SYT9: variants seen among roughly 807,000 people sequenced by gnomAD.
SYT9 encodes synaptotagmin-9.
In SYT9, 22 loss-of-function variants were observed where a neutral mutation model predicts 48.4. The observed-to-expected ratio is 0.45, with a 90% CI of 0.32 to 0.65. The LOEUF is 0.65. SYT9 is among the 30% of genes least tolerant of loss of function. The pLI is 0.03. For missense variants in SYT9, 577 were observed against 622.0 expected (o/e 0.93, Z 0.77); for synonymous variants, 265 against 245.0 (o/e 1.08, Z -0.76).
intron 3 of SYT9, among the ~76,000 whole-genome samples, chr11:7,406,559 T>TATATATATATATATATAC (rs922664189): frequency 6.8e-5 from 10 of 146,704 alleles, no homozygotes; most frequent in African/African-American, 2.5e-4. Flanking sequence ...TATATATATA[T>TATATATATATATATATAC]ATATATATAG....
chr11:7,310,877 A>G (rs553675842), intron 2 of SYT9, among the ~76,000 whole-genome samples: 2 of 152,332 alleles, frequency 1.3e-5, no homozygotes, highest in Admixed American at 1.3e-4. Context: ...CCTGCTGGCA[A>G]TCCACTTTGG....
At chr11:7,378,694 A>G (rs973024703) in intron 3 of SYT9, among the ~76,000 whole-genome samples, 2 of 152,052 alleles carry the variant, frequency 1.3e-5, no homozygotes, top group African/African-American at 4.8e-5. Flanking sequence ...GTAGAATAAA[A>G]TATTGCCTTT....
At chr11:7,309,072 A>G (rs1238965781) in intron 2 of SYT9, among the ~76,000 whole-genome samples, 1 of 152,124 alleles carries the variant, frequency 6.6e-6, no homozygotes, top group African/African-American at 2.4e-5. Flanking sequence ...ACATTTTGTT[A>G]ATTATCTTTG....
intron 1 of SYT9, among the ~76,000 whole-genome samples, chr11:7,276,950 A>T (rs973723135): frequency 3.3e-5 from 5 of 151,708 alleles, no homozygotes; most frequent in African/African-American, 1.2e-4. Context: ...GCTACTCGGG[A>T]GGCTGAGGAA....
chr11:7,294,738 C>G (rs1848762968), intron 1 of SYT9, among the ~76,000 whole-genome samples: 1 of 152,208 alleles, frequency 6.6e-6, no homozygotes, highest in African/African-American at 2.4e-5. Context: ...GCCACATGGC[C>G]CACACACCCA....
intron 2 of SYT9, among the ~76,000 whole-genome samples, chr11:7,307,724 C>A (rs1346968717): frequency 6.6e-6 from 1 of 152,166 alleles, no homozygotes; most frequent in African/African-American, 2.4e-5. Flanking sequence ...TGGATGTATA[C>A]AGGGGCCTGT....
chr11:7,283,639 C>T (rs1848544163), intron 1 of SYT9, among the ~76,000 whole-genome samples: 1 of 152,098 alleles, frequency 6.6e-6, no homozygotes, highest in Admixed American at 6.5e-5. Context: ...CTGACTTTTT[C>T]AATTAACTGA....
chr11:7,390,205 A>C (rs1043231089), intron 3 of SYT9, among the ~76,000 whole-genome samples: 1 of 151,712 alleles, frequency 6.6e-6, no homozygotes, highest in African/African-American at 2.4e-5. Flanking sequence ...TCATTGTTCA[A>C]CTCCCACTTA....
chr11:7,255,181 A>G (rs550010634), intron 1 of SYT9, among the ~76,000 whole-genome samples: 1 of 152,344 alleles, frequency 6.6e-6, no homozygotes, highest in South Asian at 2.1e-4. Flanking sequence ...GATGTGGGAC[A>G]TAAACTTGCA....
At chr11:7,460,254 T>C (rs1392236760) in intron 6 of SYT9, among the ~76,000 whole-genome samples, 1 of 152,212 alleles carries the variant, frequency 6.6e-6, no homozygotes, top group Non-Finnish European at 1.5e-5. Flanking sequence ...TAAATTCTCA[T>C]TAGCTTATTA....
At chr11:7,254,111 GAGAA>G (rs1364152124) in intron 1 of SYT9, among the ~76,000 whole-genome samples, 2 of 152,166 alleles carry the variant, frequency 1.3e-5, no homozygotes, top group African/African-American at 4.8e-5. Flanking sequence ...GGCAACCCCT[GAGAA>G]AGAGTCACTA....
chr11:7,257,184 A>G (rs564629718), intron 1 of SYT9, among the ~76,000 whole-genome samples: 1 of 152,180 alleles, frequency 6.6e-6, no homozygotes, highest in African/African-American at 2.4e-5. Context: ...AACCCTTCTC[A>G]GCTCAGCTCA....
chr11:7,252,025 C>G lies in SYT9; in HGVS notation c.-162C>G. On this transcript the variant is annotated 5_prime_UTR_variant, in exon 1 of 7. Transcript: ENST00000318881. The surrounding 1 kb of genome is among the most constrained non-coding windows in gnomAD (Gnocchi z 6.3). Reference sequence around the variant, plus strand: ...GAGCTGCATGCAACCGGTGGGAGGCCGGGCCGGCTGGGTCTGGGGCTCGGG... The same window carrying G: ...GAGCTGCATGCAACCGGTGGGAGGCGGGGCCGGCTGGGTCTGGGGCTCGGG... The G allele has an allele frequency of 1.3e-6, 1 of 786,136 alleles. No individual in the cohort carries two copies. Among genetic ancestry groups the G allele is most frequent in the Non-Finnish European group, 1.8e-6 (1 of 561,388 alleles). 48.7% of individuals were successfully genotyped at this position (786,136 alleles called of 1,614,324 possible).
At chr11:7,352,879 A>G (rs1849944649) in intron 3 of SYT9, among the ~76,000 whole-genome samples, 1 of 152,246 alleles carries the variant, frequency 6.6e-6, no homozygotes, top group African/African-American at 2.4e-5. Flanking sequence ...GGGGTGTGAG[A>G]TGACATACAC....
chr11:7,323,335 T>C (rs1849370552), intron 3 of SYT9, among the ~76,000 whole-genome samples: 1 of 152,124 alleles, frequency 6.6e-6, no homozygotes, highest in Non-Finnish European at 1.5e-5. Flanking sequence ...CTATACACTA[T>C]AATTCTAATA....
intron 4 of SYT9, 28 bp from the exon 5 acceptor site, chr11:7,417,929 G>A (rs757426019): frequency 5.6e-6 from 9 of 1,605,330 alleles, no homozygotes; most frequent in Non-Finnish European, 7.7e-6. Flanking sequence ...TATCCTCACA[G>A]TACTCCTGCT....
chr11:7,436,510 T>C (rs12575833), intron 6 of SYT9, among the ~76,000 whole-genome samples: 15,115 of 152,256 alleles, frequency 0.099, 842 homozygotes, highest in East Asian at 0.25. Flanking sequence ...TTATTTGTAA[T>C]ATGCTGTTTA....
At chr11:7,298,887 G>C (rs1374726212) in intron 1 of SYT9, among the ~76,000 whole-genome samples, 1 of 152,090 alleles carries the variant, frequency 6.6e-6, no homozygotes, top group Non-Finnish European at 1.5e-5. Flanking sequence ...ACTCCATGCA[G>C]CTCTGGGTAT....
chr11:7,269,535 TG>T lies in SYT9; in HGVS notation c.145+17205del, dbSNP rs558992352. Among the ~76,000 whole-genome samples the T allele has an allele frequency of 3.2e-3, 493 of 152,290 alleles. 3 individuals carry two copies. Among genetic ancestry groups the T allele is most frequent in the Middle Eastern group, 0.02 (6 of 294 alleles). ...GATTCAGGTTCTTTCTGTCTTTCTA[TG>T]TTTGCCTTCTTTAGTGCATTACTTC... On this transcript the variant is annotated intron_variant, in intron 1 of 6. Transcript: ENST00000318881.
Sources: allele counts gnomAD v4.1 joint callset (sites outside exome capture counted in the v4.1 genomes callset), GRCh38; gene constraint gnomAD v4.1.1; non-coding constraint Gnocchi (gnomAD v3.1); transcripts MANE v1.5; gene names NCBI Gene and HGNC (gene_info 2026-07-23, HGNC 2026-07-21).